ROBO2: variants seen among roughly 807,000 people sequenced by gnomAD.
ROBO2 encodes roundabout homolog 2.
In ROBO2, 53 loss-of-function variants were observed where a neutral mutation model predicts 160.8. The ratio of observed to expected loss-of-function variants is 0.33; its 90% CI spans 0.26 to 0.41. ROBO2 has a LOEUF of 0.41. Ranked by LOEUF, ROBO2 falls within the 10% of genes least tolerant of loss-of-function variation. The pLI is 1.00. For synonymous variants in ROBO2, 664 were observed against 611.7 expected, an observed-to-expected ratio of 1.09 and a Z score of -1.26; for missense variants, 1,577 against 1,722.4, an observed-to-expected ratio of 0.92 and a Z score of 1.49.
chr3:76,048,596 T>C (rs1325268041), intron 2 of ROBO2, among the ~76,000 whole-genome samples: 1 of 152,198 alleles, frequency 6.6e-6, no homozygotes, highest in African/African-American at 2.4e-5. Context: ...GATGAGATTA[T>C]GGATTGTCAC....
intron 1 of ROBO2, among the ~76,000 whole-genome samples, chr3:77,069,777 G>C (rs367739136): frequency 6.6e-6 from 1 of 152,106 alleles, no homozygotes; most frequent in South Asian, 2.1e-4. Flanking sequence ...AGTCCTTGAG[G>C]GGGAGAGACA....
chr3:77,504,087 G>T (rs537708855), intron 5 of ROBO2, among the ~76,000 whole-genome samples: 1 of 152,152 alleles, frequency 6.6e-6, no homozygotes, highest in African/African-American at 2.4e-5. Flanking sequence ...TGGGAGGTTA[G>T]CCCTAGGGCT....
At chr3:77,092,935 TG>T (rs2070506690) in intron 1 of ROBO2, among the ~76,000 whole-genome samples, 1 of 151,910 alleles carries the variant, frequency 6.6e-6, no homozygotes, top group African/African-American at 2.4e-5. Flanking sequence ...AAATGAACTT[TG>T]TAATGGAAAA....
chr3:77,553,785 A>G (rs192520922), intron 8 of ROBO2, among the ~76,000 whole-genome samples: 5 of 152,100 alleles, frequency 3.3e-5, no homozygotes, highest in Admixed American at 1.3e-4. Flanking sequence ...TGTAGAAGAA[A>G]AATTTGAAGC....
chr3:77,601,827 G>C (rs1158586903), intron 19 of ROBO2, among the ~76,000 whole-genome samples: 11 of 152,214 alleles, frequency 7.2e-5, no homozygotes, highest in Admixed American at 2.0e-4. Flanking sequence ...AGTGGAAAGA[G>C]ATGTTTTTCA....
intron 2 of ROBO2, among the ~76,000 whole-genome samples, chr3:76,877,511 C>A (rs1329272019): frequency 1.2e-4 from 18 of 152,158 alleles, no homozygotes; most frequent in African/African-American, 3.4e-4. Context: ...GTAGTTGATA[C>A]ACAGCTCTTC....
Position 77,506,738 on chromosome 3 carries a change from A to T in ROBO2, c.806+13356A>T, listed in dbSNP as rs183007611. Among the ~76,000 whole-genome samples the T allele has an allele frequency of 6.6e-5, 10 of 152,254 alleles. No individual in the cohort carries two copies. The East Asian group carries it at 1.9e-3, about 29-fold the overall frequency. Reference sequence around the variant, plus strand: ...AATGCTGATTTCATGGAAAAAATCAATCTGGGCATTGCTCAAGTAGTTATT... The same window carrying T: ...AATGCTGATTTCATGGAAAAAATCATTCTGGGCATTGCTCAAGTAGTTATT... On this transcript the variant is annotated intron_variant, in intron 5 of 25. Transcript: ENST00000461745.
At chr3:76,033,926 C>T (rs1200150268) in intron 2 of ROBO2, among the ~76,000 whole-genome samples, 1 of 152,052 alleles carries the variant, frequency 6.6e-6, no homozygotes, top group Non-Finnish European at 1.5e-5. Flanking sequence ...AGCTGAATTC[C>T]GAAAGGGAAA....
chr3:76,664,574 C>G (rs1013097975), intron 2 of ROBO2, among the ~76,000 whole-genome samples: 1 of 152,086 alleles, frequency 6.6e-6, no homozygotes, highest in African/African-American at 2.4e-5. Context: ...AAACTTATAC[C>G]TTTGTTATGC....
chr3:77,078,125 A>G (rs759399775), intron 1 of ROBO2, among the ~76,000 whole-genome samples: 5 of 152,302 alleles, frequency 3.3e-5, no homozygotes, highest in Admixed American at 6.5e-5. Flanking sequence ...ATACACCTCA[A>G]TGCAGCACCT....
intron 2 of ROBO2, among the ~76,000 whole-genome samples, chr3:76,847,732 CT>C (rs2068908454): frequency 1.3e-5 from 2 of 152,100 alleles, no homozygotes; most frequent in African/African-American, 2.4e-5. Flanking sequence ...CTTTTGATGA[CT>C]TTTTTTAAGA....
In ROBO2 at chr3:75,925,425, G is replaced by A. The variant is rs1459566929; in HGVS notation, c.-13-12056G>A. Among the ~76,000 whole-genome samples, 4 of 152,098 alleles carry A rather than the reference G, an allele frequency of 2.6e-5. No individual in the cohort carries two copies. The South Asian group carries it at 8.3e-4, about 32-fold the overall frequency. ...ATAGATAAATAAATAAAAGGGGAGG[G>A]TGTCTTTTGAAGGCTACTAAAGTCA... On this transcript the variant is annotated intron_variant, in intron 1 of 26. Transcript: ENST00000487694.
At chr3:76,400,480 T>A (rs981485375) in intron 2 of ROBO2, among the ~76,000 whole-genome samples, 2 of 151,578 alleles carry the variant, frequency 1.3e-5, no homozygotes, top group African/African-American at 4.8e-5. Context: ...TTTGCAAAAA[T>A]TCTATTATTG....
chr3:77,498,864 T>C (rs566846234), intron 5 of ROBO2, among the ~76,000 whole-genome samples: 1 of 152,262 alleles, frequency 6.6e-6, no homozygotes, highest in South Asian at 2.1e-4. Flanking sequence ...TGGTAAAGAC[T>C]GGGCAAGTGA....
chr3:76,259,749 C>T (rs1056450149), intron 2 of ROBO2, among the ~76,000 whole-genome samples: 17 of 152,040 alleles, frequency 1.1e-4, no homozygotes, highest in Admixed American at 3.3e-4. Flanking sequence ...ATTCACTGTG[C>T]GCAAGGCATC....
At chr3:77,074,274 G>C (rs189838914) in intron 1 of ROBO2, among the ~76,000 whole-genome samples, 2 of 152,178 alleles carry the variant, frequency 1.3e-5, no homozygotes, top group African/African-American at 4.8e-5. Context: ...GTCTCCAGAA[G>C]TGTTAACTTG....
intron 2 of ROBO2, among the ~76,000 whole-genome samples, chr3:77,000,309 A>G (rs2061271247): frequency 6.6e-6 from 1 of 152,122 alleles, no homozygotes; most frequent in Admixed American, 6.6e-5. Context: ...TCCTATAAGA[A>G]TCATTAAAAC....
chr3:76,988,349 T>C (rs1019970039), intron 2 of ROBO2, among the ~76,000 whole-genome samples: 1 of 152,142 alleles, frequency 6.6e-6, no homozygotes, highest in Non-Finnish European at 1.5e-5. Flanking sequence ...CAAAGTGAAG[T>C]AGTAAATTGA....
chr3:77,181,754 T>C (rs2080808028), intron 2 of ROBO2, among the ~76,000 whole-genome samples: 2 of 152,084 alleles, frequency 1.3e-5, no homozygotes, highest in African/African-American at 4.8e-5. Context: ...TAATGTTGGA[T>C]CGCATTATTT....
Sources: gnomAD v4.1 joint callset for allele counts (sites outside exome capture counted in the v4.1 genomes callset) on GRCh38, gnomAD v4.1.1 for gene constraint, MANE v1.5 for transcripts, NCBI Gene and HGNC (gene_info 2026-07-23, HGNC 2026-07-21) for gene names.